The following FGF13 variants were observed in gnomAD, a reference collection of about 807,000 sequenced individuals.
The protein encoded by FGF13 is fibroblast growth factor 13.
A neutral mutation model predicts 19.5 loss-of-function variants in FGF13; 2 were observed. That is an observed-to-expected ratio of 0.10 (90% CI 0.04 to 0.32). FGF13 has a LOEUF of 0.32. Among genes scored for constraint, FGF13 ranks in the 10% least tolerant of loss-of-function variants. FGF13 has a pLI of 1.00. For missense variants in FGF13, 113 were observed against 192.7 expected, an observed-to-expected ratio of 0.59 and a Z score of 2.45; for synonymous variants, 72 against 76.9, an observed-to-expected ratio of 0.94 and a Z score of 0.33.
At chrX:138,715,482 CTCTT>C (rs754057874), upstream of FGF13, among the ~76,000 whole-genome samples, 7 of 112,652 alleles carry the variant, frequency 6.2e-5, no homozygotes, top group African/African-American at 1.9e-4. Flanking sequence ...CTGTTTATTT[CTCTT>C]TCTCTTTTCA....
chrX:139,122,749 T>C (rs2083686746), intron 1 of FGF13, among the ~76,000 whole-genome samples: 1 of 111,455 alleles, frequency 9.0e-6, no homozygotes, highest in African/African-American at 3.3e-5. Context: ...ATTTACTCAG[T>C]CCCTCAGACC....
chrX:138,689,265 T>C (rs745781247), intron 3 of FGF13, among the ~76,000 whole-genome samples: 2 of 112,355 alleles, frequency 1.8e-5, no homozygotes, highest in African/African-American at 6.5e-5. Flanking sequence ...CTCATTTCTT[T>C]ACTATTATTA....
chrX:139,002,869 G>T (rs2092079949), intron 1 of FGF13, among the ~76,000 whole-genome samples: 1 of 111,894 alleles, frequency 8.9e-6, no homozygotes, highest in Non-Finnish European at 1.9e-5. Flanking sequence ...TGAATAACCA[G>T]TAGTGATACC....
At chrX:138,775,018 G>C (rs1449041215) in intron 3 of FGF13, among the ~76,000 whole-genome samples, 1 of 112,483 alleles carries the variant, frequency 8.9e-6, no homozygotes, top group Non-Finnish European at 1.9e-5. Flanking sequence ...GGGGTGCAGT[G>C]GTGCAATCTT....
chrX:139,153,085 C>T (rs765258275), intron 1 of FGF13, among the ~76,000 whole-genome samples: 1 of 111,246 alleles, frequency 9.0e-6, no homozygotes, highest in Non-Finnish European at 1.9e-5. Context: ...ATCAGTGAAT[C>T]CTCAGGGCCT....
chrX:139,033,231 T>C (rs1372190135), intron 1 of FGF13, among the ~76,000 whole-genome samples: 1 of 110,786 alleles, frequency 9.0e-6, no homozygotes, highest in Non-Finnish European at 1.9e-5. Context: ...AAGTTACATT[T>C]GACATTTTTC....
chrX:138,984,576 AAGAAGAAGAAGAAGGAGG>A (rs1569436150), intron 1 of FGF13, among the ~76,000 whole-genome samples: 28 of 53,531 alleles, frequency 5.2e-4, no homozygotes, highest in East Asian at 1.9e-3. Context: ...GAAGAAGAAG[AAGAAGAAGAAGAAGGAGG>A]AGGAGGAGGA....
chrX:139,142,458 C>T (rs1002918152), intron 1 of FGF13, among the ~76,000 whole-genome samples: 4 of 111,893 alleles, frequency 3.6e-5, no homozygotes, highest in African/African-American at 6.5e-5. Context: ...ATTAAGTACA[C>T]GGCTTTTCAA....
intron 3 of FGF13, among the ~76,000 whole-genome samples, chrX:138,771,652 G>A (rs2090545916): frequency 9.1e-6 from 1 of 110,477 alleles, no homozygotes; most frequent in Non-Finnish European, 1.9e-5. Flanking sequence ...AGAGACACAT[G>A]AGAACGCTCT....
In FGF13 at chrX:139,181,103, C is replaced by T. The variant is rs192249469; in HGVS notation, c.-113+22313G>A. Among the ~76,000 whole-genome samples, 441 of 112,522 alleles carry T rather than the reference C, an allele frequency of 3.9e-3. 2 individuals carry two copies. The highest frequency in any genetic ancestry group is 0.014 in the Middle Eastern group (3 of 216). ...TAAAGCAGCTCTACAGAACCGAAAC[C>T]TCACAGTTCCTGCCCTCATGTGACT... is the stretch of plus-strand genomic sequence containing the variant. On this transcript the variant is annotated intron_variant, in intron 1 of 2. Coordinates refer to the FGF13 transcript ENST00000421460.
chrX:138,810,610 A>G (rs958373889), intron 3 of FGF13, among the ~76,000 whole-genome samples: 2 of 112,228 alleles, frequency 1.8e-5, no homozygotes, highest in East Asian at 5.6e-4. Context: ...TAATGAAACT[A>G]AAGAACTTCT....
intron 4 of FGF13, among the ~76,000 whole-genome samples, chrX:138,634,125 AAAT>A (rs1197422101): frequency 8.9e-6 from 1 of 112,337 alleles, no homozygotes; most frequent in African/African-American, 3.2e-5. Flanking sequence ...AAATTTGCTG[AAAT>A]AATATGTTGG....
chrX:138,798,578 A>G (rs1356070352), intron 3 of FGF13, among the ~76,000 whole-genome samples: 2 of 111,906 alleles, frequency 1.8e-5, no homozygotes, highest in African/African-American at 6.5e-5. Context: ...TGCTGGCCTC[A>G]TAAAATGAGT....
upstream of FGF13, chrX:139,204,003 A>AG (rs2084441756): frequency 5.2e-6 from 6 of 1,161,921 alleles, no homozygotes; most frequent in Admixed American, 2.2e-5. Context: ...CGCGCACGCG[A>AG]GGGGGCGAGG....
At chrX:138,685,703 GTC>G (rs2089774892) in intron 3 of FGF13, among the ~76,000 whole-genome samples, 1 of 111,463 alleles carries the variant, frequency 9.0e-6, no homozygotes, top group Non-Finnish European at 1.9e-5. Flanking sequence ...ACACTGAGCT[GTC>G]TCTATAATCC....
At chrX:138,774,457 A>G (rs2090572375) in intron 3 of FGF13, among the ~76,000 whole-genome samples, 1 of 111,693 alleles carries the variant, frequency 9.0e-6, no homozygotes, top group Non-Finnish European at 1.9e-5. Context: ...AGGAATAGAA[A>G]AGCATAGCAC....
intron 3 of FGF13, chrX:138,667,753 G>C (rs1386332770): frequency 2.7e-6 from 1 of 368,959 alleles, no homozygotes; most frequent in East Asian, 8.0e-5. Flanking sequence ...CCTTCAGTAA[G>C]AATACAGATA....
chrX:138,907,396 G>A (rs2091563897), intron 1 of FGF13, among the ~76,000 whole-genome samples: 1 of 111,716 alleles, frequency 9.0e-6, no homozygotes, highest in Non-Finnish European at 1.9e-5. Context: ...TGTGGGTTGG[G>A]AAGAGAACAG....
intron 1 of FGF13, among the ~76,000 whole-genome samples, chrX:138,969,526 T>C (rs1603082461): frequency 8.9e-6 from 1 of 111,948 alleles, no homozygotes; most frequent in East Asian, 2.8e-4. Context: ...ATAGCTTGTA[T>C]AATGTCTGAA....
Sources: gnomAD v4.1 joint callset for allele counts (sites outside exome capture counted in the v4.1 genomes callset) on GRCh38, gnomAD v4.1.1 for gene constraint, MANE v1.5 for transcripts, NCBI Gene and HGNC (gene_info 2026-07-23, HGNC 2026-07-21) for gene names.